Variants in DYNC1I1 observed in about 807,000 individuals in gnomAD.
The protein encoded by DYNC1I1 is dynein cytoplasmic 1 intermediate chain 1, also known as cytoplasmic dynein 1 intermediate chain 1.
DYNC1I1 carries 43 observed loss-of-function variants against 86.6 expected under a neutral mutation model. The ratio of observed to expected loss-of-function variants is 0.50; its 90% CI spans 0.39 to 0.64. The LOEUF (loss-of-function observed/expected upper bound fraction) is 0.64. Ranked by LOEUF, DYNC1I1 falls within the 30% of genes least tolerant of loss-of-function variation. The pLI is 0.00. For missense variants in DYNC1I1, 604 were observed against 788.8 expected, an observed-to-expected ratio of 0.77 and a Z score of 2.81; for synonymous variants, 262 against 283.7, an observed-to-expected ratio of 0.92 and a Z score of 0.77.
At position 95,974,520 on chromosome 7, in the gene DYNC1I1, G is replaced by A. The variant is rs568091827; in HGVS notation, c.491-2992G>A. 2.6e-5 allele frequency among the ~76,000 whole-genome samples: 4 copies of A among 152,280 alleles called. No homozygotes were observed. In the South Asian group the frequency reaches 8.3e-4, roughly 32 times the overall value. ...CAGATGAGAAATGGGGGCTCAGAGA[G>A]TTCCTATGAATTGGATAAAACCCAG... On this transcript the variant is annotated intron_variant, in intron 6 of 16. Coordinates refer to ENST00000447467, the MANE Select transcript of DYNC1I1 (RefSeq NM_001135556.2).
At chr7:95,859,822 C>A (rs931831186) in intron 5 of DYNC1I1, among the ~76,000 whole-genome samples, 2 of 152,180 alleles carry the variant, frequency 1.3e-5, no homozygotes, top group Non-Finnish European at 2.9e-5. Flanking sequence ...CATCTAGGGT[C>A]ATGAGGGCCT....
chr7:95,924,774 G>C (rs766774858), intron 6 of DYNC1I1, among the ~76,000 whole-genome samples: 2 of 152,164 alleles, frequency 1.3e-5, no homozygotes, highest in African/African-American at 4.8e-5. Flanking sequence ...TCTGCTGAAG[G>C]GGGAGTATCT....
At chr7:95,980,429 C>T (rs1793427006) in intron 7 of DYNC1I1, among the ~76,000 whole-genome samples, 2 of 150,880 alleles carry the variant, frequency 1.3e-5, no homozygotes, top group African/African-American at 4.9e-5. Flanking sequence ...ACTTCCATTA[C>T]GAACCTTGCG....
chr7:95,954,322 A>C (rs1792642454), intron 6 of DYNC1I1, among the ~76,000 whole-genome samples: 1 of 151,480 alleles, frequency 6.6e-6, no homozygotes, highest in African/African-American at 2.4e-5. Context: ...TTAAGGTCAA[A>C]TAAAATTTCA....
intron 10 of DYNC1I1, among the ~76,000 whole-genome samples, chr7:96,027,844 T>C (rs1303186832): frequency 6.6e-6 from 1 of 152,178 alleles, no homozygotes; most frequent in Non-Finnish European, 1.5e-5. Context: ...TGCAATTCTA[T>C]GTGACAAATG....
chr7:95,901,406 C>T (rs1791033901), intron 6 of DYNC1I1, among the ~76,000 whole-genome samples: 1 of 152,184 alleles, frequency 6.6e-6, no homozygotes, highest in Non-Finnish European at 1.5e-5. Flanking sequence ...GCTACCTTTA[C>T]TTTTTAAGAA....
chr7:95,990,054 A>C (rs1793693379), intron 9 of DYNC1I1, among the ~76,000 whole-genome samples: 2 of 152,154 alleles, frequency 1.3e-5, no homozygotes, highest in South Asian at 4.1e-4. Context: ...AAAAGAAAGA[A>C]ATTATAAGGT....
chr7:95,785,542 C>T (rs1313124840), intron 1 of DYNC1I1, among the ~76,000 whole-genome samples: 1 of 151,920 alleles, frequency 6.6e-6, no homozygotes, highest in Non-Finnish European at 1.5e-5. Context: ...TCAGTAATCT[C>T]CTAATGTACT....
chr7:96,098,805 CT>C (rs1563005503), downstream of DYNC1I1, among the ~76,000 whole-genome samples: 1 of 152,090 alleles, frequency 6.6e-6, no homozygotes, highest in African/African-American at 2.4e-5. Flanking sequence ...CTTCAATAAA[CT>C]TTTTTTCAAA....
At chr7:95,838,301 A>G (rs918724890) in intron 5 of DYNC1I1, among the ~76,000 whole-genome samples, 1 of 151,982 alleles carries the variant, frequency 6.6e-6, no homozygotes, top group African/African-American at 2.4e-5. Flanking sequence ...AGAGACTATC[A>G]TTTTTCCATT....
chr7:95,970,315 A>G (rs1364293880), intron 6 of DYNC1I1, among the ~76,000 whole-genome samples: 2 of 151,984 alleles, frequency 1.3e-5, no homozygotes, highest in African/African-American at 4.8e-5. Context: ...TAGTCTTGCC[A>G]CCCTCCTGCA....
At chr7:95,928,690 G>A (rs1205723887) in intron 6 of DYNC1I1, among the ~76,000 whole-genome samples, 1 of 152,190 alleles carries the variant, frequency 6.6e-6, no homozygotes, top group Non-Finnish European at 1.5e-5. Flanking sequence ...TTACCTGAGA[G>A]CTGGCTTTTA....
intron 6 of DYNC1I1, among the ~76,000 whole-genome samples, chr7:95,944,599 G>C (rs200613990): frequency 2.0e-5 from 3 of 152,006 alleles, no homozygotes; most frequent in South Asian, 2.1e-4. Context: ...GCACTATTCA[G>C]AATAGCAAAG....
chr7:96,028,717 T>A (rs1402243144), intron 11 of DYNC1I1, among the ~76,000 whole-genome samples: 1 of 152,234 alleles, frequency 6.6e-6, no homozygotes, highest in Non-Finnish European at 1.5e-5. Context: ...ATGGGACTTT[T>A]GCCAACTGGC....
intron 1 of DYNC1I1, among the ~76,000 whole-genome samples, chr7:95,794,100 G>A (rs1197989628): frequency 6.6e-6 from 1 of 152,130 alleles, no homozygotes; most frequent in Non-Finnish European, 1.5e-5. Flanking sequence ...TATCTGTTTT[G>A]ACCTAAGGTT....
intron 14 of DYNC1I1, among the ~76,000 whole-genome samples, chr7:96,073,041 A>G (rs886338561): frequency 3.3e-5 from 5 of 152,228 alleles, no homozygotes; most frequent in Non-Finnish European, 4.4e-5. Context: ...TTGCTTGGCA[A>G]TTAGTGGTTC....
chr7:96,038,419 A>G (rs1788934164), intron 13 of DYNC1I1, among the ~76,000 whole-genome samples: 1 of 152,210 alleles, frequency 6.6e-6, no homozygotes, highest in South Asian at 2.1e-4. Context: ...GTGATAATAG[A>G]GGGCTGCAAA....
At chr7:96,075,961 A>G in intron 14 of DYNC1I1, 96 bp from the exon 15 acceptor site, 1 of 1,506,936 alleles carries the variant, frequency 6.6e-7, no homozygotes, top group Non-Finnish European at 8.9e-7. Context: ...AAGTTTTATG[A>G]CACTTTGTGA....
chr7:95,870,984 G>A (rs1276209900), intron 6 of DYNC1I1, among the ~76,000 whole-genome samples: 2 of 152,152 alleles, frequency 1.3e-5, no homozygotes, highest in African/African-American at 4.8e-5. Context: ...TATGTAGTAA[G>A]TATGGACAAA....
Sources: allele counts gnomAD v4.1 joint callset (sites outside exome capture counted in the v4.1 genomes callset), GRCh38; gene constraint gnomAD v4.1.1; transcripts MANE v1.5; gene names NCBI Gene and HGNC (gene_info 2026-07-23, HGNC 2026-07-21).